The following SMN2 variants were observed in gnomAD, a reference collection of about 807,000 sequenced individuals.
SMN2 encodes the protein survival motor neuron protein.
A neutral mutation model predicts 2.8 loss-of-function variants in SMN2; 1 was observed. That is an observed-to-expected ratio of 0.35 (90% confidence interval 0.13 to 1.68). The LOEUF (loss-of-function observed/expected upper bound fraction) is 1.68. Ranked by LOEUF, SMN2 falls within the 40% of genes most tolerant of loss-of-function variation. SMN2 has a pLI of 0.35. For synonymous variants in SMN2, 5 were observed against 5.0 expected, an observed-to-expected ratio of 0.99 and a Z score of 0.01; for missense variants, 12 against 16.9, an observed-to-expected ratio of 0.71 and a Z score of 0.51.
rs1458153026 is a variant in SMN2 at position 70,075,022 on chromosome 5, A to T, written c.835-1499A>T. 1.0e-4 allele frequency among the ~76,000 whole-genome samples: 13 copies of T among 124,842 alleles called. 2 individuals carry two copies. Among genetic ancestry groups the T allele is most frequent in the Admixed American group, 4.0e-4 (5 of 12,372 alleles). The allele number at this position is 124,842 out of a possible 152,430, so 81.9% of individuals were successfully genotyped here. On this transcript the variant is annotated intron_variant, in intron 7 of 8. Coordinates refer to ENST00000380743, the MANE Select transcript of SMN2 (RefSeq NM_017411.4). ...AAAAAAGGAAGAAAAATATTTTTTT[A>T]AATTAATTAGTTTATTTATTTTTTA...
chr5:70,085,412 T>C, the SMN2 span, among the ~76,000 whole-genome samples: 1 of 133,166 alleles, frequency 7.5e-6, no homozygotes, highest in Non-Finnish European at 1.5e-5. Flanking sequence ...CAGCGTAATT[T>C]TTGTATTTTT....
At chr5:70,084,987 T>G in the SMN2 span, among the ~76,000 whole-genome samples, 16 of 138,504 alleles carry the variant, frequency 1.2e-4, 4 homozygotes, top group African/African-American at 4.5e-4. Context: ...TTTGTGTAGC[T>G]TTCTTACTAT....
chr5:70,077,823 G>C (rs1282026695), downstream of SMN2: 1 of 136,602 alleles, frequency 7.3e-6, no homozygotes, highest in Non-Finnish European at 1.5e-5. Flanking sequence ...TGCAACCTCT[G>C]CTATCCGGGT....
In SMN2 at chr5:70,052,591, G is replaced by A. The variant is rs1241031368; in HGVS notation, c.81+2825G>A. Among the ~76,000 whole-genome samples, 4 of 28,624 alleles carry A rather than the reference G, an allele frequency of 1.4e-4. No homozygotes were observed. In the East Asian group the frequency reaches 1.6e-3, roughly 12 times the overall value. 18.8% of individuals were successfully genotyped at this position (28,624 alleles called of 152,430 possible). On this transcript the variant is annotated intron_variant, in intron 1 of 8. Coordinates refer to ENST00000380743, the MANE Select transcript of SMN2 (RefSeq NM_017411.4). ...ACAAAAATTAGCCGGGCGTGGTGGC[G>A]CGTGCCTATAATCCCAGCTACTTGG...
chr5:70,087,912 T>TA, the SMN2 span, among the ~76,000 whole-genome samples: 5 of 34,762 alleles, frequency 1.4e-4, no homozygotes, highest in East Asian at 9.9e-4. Flanking sequence ...GGGTCATGGT[T>TA]AAAAAAAAAG....
chr5:70,088,565 C>T, the SMN2 span, among the ~76,000 whole-genome samples: 2 of 112,250 alleles, frequency 1.8e-5, no homozygotes, highest in African/African-American at 7.9e-5. Flanking sequence ...GCTTCCCAAG[C>T]AGCTGGGGTT....
At chr5:70,084,188 G>GT in the SMN2 span, among the ~76,000 whole-genome samples, 803 of 50,672 alleles carry the variant, frequency 0.016, 29 homozygotes, top group Admixed American at 0.035. Context: ...CATTTAAATT[G>GT]TTTTTTTTTT....
chr5:70,079,804 C>A, downstream of SMN2, among the ~76,000 whole-genome samples: 1 of 84,228 alleles, frequency 1.2e-5, no homozygotes, highest in Non-Finnish European at 2.1e-5. Context: ...ACAAGAGCAA[C>A]TCTGCTTCTG....
chr5:70,079,804 C>T (rs1468728288), downstream of SMN2, among the ~76,000 whole-genome samples: 1 of 84,230 alleles, frequency 1.2e-5, no homozygotes, highest in East Asian at 3.9e-4. Context: ...ACAAGAGCAA[C>T]TCTGCTTCTG....
chr5:70,088,413 T>G, the SMN2 span, among the ~76,000 whole-genome samples: 2 of 99,518 alleles, frequency 2.0e-5, no homozygotes, highest in African/African-American at 9.3e-5. Context: ...AAAATGAGGG[T>G]AAGTTTCAAA....
chr5:70,084,729 G>A, the SMN2 span, among the ~76,000 whole-genome samples: 542 of 137,544 alleles, frequency 3.9e-3, 122 homozygotes, highest in African/African-American at 0.016. Context: ...TGTTTATATG[G>A]TCTTCCCATT....
In SMN2 at chr5:70,076,027, G is replaced by A. The variant is rs1774741607; in HGVS notation, c.835-494G>A. On this transcript the variant is annotated intron_variant, in intron 7 of 8. Coordinates refer to ENST00000380743, the MANE Select transcript of SMN2 (RefSeq NM_017411.4). Reference sequence around the variant, plus strand: ...CACCACCATGCCTGGCTAATTTTTTGTACTTTCAGTAGAAACGGGGTTTTG... The same window carrying A: ...CACCACCATGCCTGGCTAATTTTTTATACTTTCAGTAGAAACGGGGTTTTG... 1.6e-5 allele frequency among the ~76,000 whole-genome samples: 2 copies of A among 125,892 alleles called. 1 individual carries two copies. Among genetic ancestry groups the A allele is most frequent in the African/African-American group, 7.1e-5 (2 of 28,148 alleles). 82.6% of individuals were successfully genotyped at this position (125,892 alleles called of 152,430 possible).
chr5:70,084,779 T>C, the SMN2 span, among the ~76,000 whole-genome samples: 1 of 136,932 alleles, frequency 7.3e-6, no homozygotes. Flanking sequence ...GAGTTTTTGC[T>C]TATAAAATTT....
At chr5:70,079,290 CG>C (rs1294919606), downstream of SMN2, among the ~76,000 whole-genome samples, 1 of 145,244 alleles carries the variant, frequency 6.9e-6, no homozygotes, top group Non-Finnish European at 1.5e-5. Context: ...AAAATTAGCC[CG>C]GCATGGTGGC....
chr5:70,083,696 G>A, the SMN2 span, among the ~76,000 whole-genome samples: 42 of 131,418 alleles, frequency 3.2e-4, 2 homozygotes, highest in African/African-American at 1.3e-3. Flanking sequence ...GTAAACTATC[G>A]CAAGGACAAA....
chr5:70,079,778 A>G (rs538703513), downstream of SMN2, among the ~76,000 whole-genome samples: 286 of 118,602 alleles, frequency 2.4e-3, 4 homozygotes, highest in African/African-American at 0.011. Flanking sequence ...AACCAAACCA[A>G]AGCAACAAAC....
the SMN2 span, among the ~76,000 whole-genome samples, chr5:70,084,003 C>G: frequency 3.3e-5 from 3 of 91,838 alleles, no homozygotes; most frequent in African/African-American, 1.8e-4. Context: ...AAAAAAAGCT[C>G]TCATTCTTTT....
At chr5:70,085,454 GC>G in the SMN2 span, among the ~76,000 whole-genome samples, 1 of 125,334 alleles carries the variant, frequency 8.0e-6, no homozygotes, top group Non-Finnish European at 1.6e-5. Context: ...TGTTGGGTAG[GC>G]CAGTCTTGAA....
the SMN2 span, among the ~76,000 whole-genome samples, chr5:70,084,750 CTATT>C: frequency 7.3e-6 from 1 of 137,412 alleles, no homozygotes; most frequent in South Asian, 2.2e-4. Flanking sequence ...ACCATTTTAA[CTATT>C]TGTTTTTATT....
Sources: gnomAD v4.1 joint callset for allele counts (sites outside exome capture counted in the v4.1 genomes callset) on GRCh38, gnomAD v4.1.1 for gene constraint, MANE v1.5 for transcripts, NCBI Gene and HGNC (gene_info 2026-07-23, HGNC 2026-07-21) for gene names.